MAP2K6: variants seen among roughly 807,000 people sequenced by gnomAD.
MAP2K6 encodes dual specificity mitogen-activated protein kinase kinase 6.
In MAP2K6, 16 loss-of-function variants were observed where a neutral mutation model predicts 53.7. The observed-to-expected ratio is 0.30, with a 90% CI of 0.20 to 0.45. MAP2K6 has a LOEUF of 0.45. Ranked by LOEUF, MAP2K6 falls within the 20% of genes least tolerant of loss-of-function variation. The pLI, the probability that MAP2K6 is intolerant of heterozygous loss-of-function variation, is 1.00. For synonymous variants in MAP2K6, 132 were observed against 143.1 expected, an observed-to-expected ratio of 0.92 and a Z score of 0.55; for missense variants, 204 against 411.9, an observed-to-expected ratio of 0.50 and a Z score of 4.37.
intron 1 of MAP2K6, among the ~76,000 whole-genome samples, chr17:69,455,321 T>G (rs1907367934): frequency 6.6e-6 from 1 of 152,230 alleles, no homozygotes; most frequent in Non-Finnish European, 1.5e-5. Flanking sequence ...TTCAGTAGTT[T>G]AGCCATGCCC....
chr17:69,521,012 A>G (rs777491735), intron 6 of MAP2K6, 37 bp from the exon 7 acceptor site: 31 of 1,495,400 alleles, frequency 2.1e-5, no homozygotes, highest in African/African-American at 2.8e-5. Flanking sequence ...CTTTCCAGCA[A>G]TGTGATAAAT....
intron 1 of MAP2K6, among the ~76,000 whole-genome samples, chr17:69,423,686 C>T (rs1906171022): frequency 6.6e-6 from 1 of 152,138 alleles, no homozygotes; most frequent in Non-Finnish European, 1.5e-5. Flanking sequence ...TGCTCATTTC[C>T]TCTGAACTAA....
Position 69,498,819 on chromosome 17 carries a change from C to A in MAP2K6, c.17-6961C>A, listed in dbSNP as rs74364856. On this transcript the variant is annotated intron_variant, in intron 1 of 11. Coordinates refer to ENST00000590474, the MANE Select transcript of MAP2K6 (RefSeq NM_002758.4). Reference sequence around the variant, plus strand: ...AGGCACTAGTTCTAGGAGGTCACAGCGTGACTGAGAGGTGGTCACCTTACG... The same window carrying A: ...AGGCACTAGTTCTAGGAGGTCACAGAGTGACTGAGAGGTGGTCACCTTACG... Among the ~76,000 whole-genome samples, 5 of 152,226 alleles carry A rather than the reference C, an allele frequency of 3.3e-5. No individual in the cohort carries two copies. The East Asian group carries it at 9.7e-4, about 29-fold the overall frequency.
chr17:69,447,890 T>A (rs1259565043), intron 1 of MAP2K6, among the ~76,000 whole-genome samples: 1 of 152,106 alleles, frequency 6.6e-6, no homozygotes, highest in Non-Finnish European at 1.5e-5. Flanking sequence ...AAGGAGAGAC[T>A]GGGCTGAGTC....
intron 2 of MAP2K6, among the ~76,000 whole-genome samples, chr17:69,514,846 GCCACTGCGCCTCCGCCCATATTCCTA>G (rs1365267271): frequency 6.6e-6 from 1 of 152,178 alleles, no homozygotes; most frequent in Non-Finnish European, 1.5e-5. Context: ...ACAGGCGTGA[GCCACTGCGCCTCCGCCCATATTCCTA>G]CTTTTTAATT....
intron 1 of MAP2K6, among the ~76,000 whole-genome samples, chr17:69,441,889 C>T (rs1906831637): frequency 6.6e-6 from 1 of 152,070 alleles, no homozygotes; most frequent in South Asian, 2.1e-4. Context: ...GGTGGGGGTG[C>T]TTCAGGCTTC....
chr17:69,465,035 G>A (rs910788819), intron 1 of MAP2K6, among the ~76,000 whole-genome samples: 1 of 151,940 alleles, frequency 6.6e-6, no homozygotes, highest in African/African-American at 2.4e-5. Flanking sequence ...TTATTTAAGA[G>A]AATAAATATT....
At chr17:69,527,704 G>T (rs1459220865) in intron 10 of MAP2K6, among the ~76,000 whole-genome samples, 1 of 152,146 alleles carries the variant, frequency 6.6e-6, no homozygotes, top group Non-Finnish European at 1.5e-5. Context: ...GACCCTGGGA[G>T]GGGAGCCGTT....
At chr17:69,467,381 C>T (rs781400560) in intron 1 of MAP2K6, among the ~76,000 whole-genome samples, 1 of 152,180 alleles carries the variant, frequency 6.6e-6, no homozygotes, top group Non-Finnish European at 1.5e-5. Flanking sequence ...ATGTGGTGCT[C>T]ATTGGCTGAT....
chr17:69,507,332 TTG>T (rs34572619), intron 2 of MAP2K6, among the ~76,000 whole-genome samples: 7,193 of 149,056 alleles, frequency 0.048, 472 homozygotes, highest in African/African-American at 0.15. Context: ...AAGTATTCCT[TTG>T]TGTGTGTGTG....
At chr17:69,505,094 C>T (rs1375278247) in intron 1 of MAP2K6, among the ~76,000 whole-genome samples, 2 of 150,554 alleles carry the variant, frequency 1.3e-5, no homozygotes, top group African/African-American at 4.9e-5. Context: ...AAAAAAAAAG[C>T]TATAACCAAG....
At chr17:69,473,449 C>T (rs1387844932) in intron 1 of MAP2K6, among the ~76,000 whole-genome samples, 1 of 152,120 alleles carries the variant, frequency 6.6e-6, no homozygotes, top group Non-Finnish European at 1.5e-5. Flanking sequence ...TAAAGTAATA[C>T]ACCAAAATAC....
intron 10 of MAP2K6, among the ~76,000 whole-genome samples, chr17:69,528,306 T>C (rs1255691392): frequency 3.9e-5 from 6 of 152,130 alleles, no homozygotes; most frequent in Non-Finnish European, 8.8e-5. Context: ...TGTTTTTGGC[T>C]GGATGACTAG....
intron 1 of MAP2K6, among the ~76,000 whole-genome samples, chr17:69,480,230 T>A (rs1342682792): frequency 1.3e-5 from 2 of 152,218 alleles, no homozygotes; most frequent in African/African-American, 4.8e-5. Flanking sequence ...CTCCTTCATG[T>A]TCTTTAACTT....
intron 1 of MAP2K6, among the ~76,000 whole-genome samples, chr17:69,441,344 T>C (rs575614059): frequency 1.1e-4 from 16 of 152,354 alleles, no homozygotes; most frequent in Admixed American, 8.5e-4. Flanking sequence ...ATTTTTCAAA[T>C]TGGGTAATTT....
intron 1 of MAP2K6, among the ~76,000 whole-genome samples, chr17:69,448,305 GT>G (rs1907045779): frequency 1.3e-5 from 2 of 148,718 alleles, no homozygotes; most frequent in Admixed American, 1.3e-4. Flanking sequence ...ATTTGACTCT[GT>G]TTTTCACTGG....
intron 1 of MAP2K6, among the ~76,000 whole-genome samples, chr17:69,466,111 TA>T (rs143017970): frequency 0.03 from 4,144 of 135,934 alleles, 107 homozygotes; most frequent in African/African-American, 0.072. Flanking sequence ...CATCAGTACT[TA>T]AAAAAAAAAA....
At chr17:69,521,869 C>T (rs1567853279) in intron 7 of MAP2K6, 2 of 149,638 alleles carry the variant, frequency 1.3e-5, no homozygotes, top group Non-Finnish European at 3.0e-5. Flanking sequence ...AGCTGGGTGC[C>T]GTGGTTCATG....
At chr17:69,501,715 C>T (rs1431756143) in intron 1 of MAP2K6, 1 of 152,142 alleles carries the variant, frequency 6.6e-6, no homozygotes, top group Non-Finnish European at 1.5e-5. Flanking sequence ...CAGACTGTGC[C>T]AATAAGCAGT....
Sources: allele counts gnomAD v4.1 joint callset (sites outside exome capture counted in the v4.1 genomes callset), GRCh38; gene constraint gnomAD v4.1.1; transcripts MANE v1.5; gene names NCBI Gene and HGNC (gene_info 2026-07-23, HGNC 2026-07-21).